ZGRF1: variants seen among roughly 807,000 people sequenced by gnomAD.
The protein encoded by ZGRF1 is 5'-3' DNA helicase ZGRF1.
A neutral mutation model predicts 203.5 loss-of-function variants in ZGRF1; 196 were observed. The ratio of observed to expected loss-of-function variants is 0.96; its 90% confidence interval spans 0.86 to 1.08. ZGRF1 has a LOEUF of 1.08. Ranked by LOEUF, ZGRF1 falls within the 50% of genes least tolerant of loss-of-function variation. The probability of loss-of-function intolerance (pLI) is 0.00; values close to 1 mark genes in which losing one functional copy is unlikely to be tolerated. For missense variants in ZGRF1, 2,326 were observed against 2,416.3 expected, an observed-to-expected ratio of 0.96 and a Z score of 0.78; for synonymous variants, 809 against 841.3, an observed-to-expected ratio of 0.96 and a Z score of 0.66.
At chr4:112,631,279 G>A (rs918294915) in intron 3 of ZGRF1, among the ~76,000 whole-genome samples, 9 of 152,080 alleles carry the variant, frequency 5.9e-5, no homozygotes, top group Admixed American at 1.3e-4. Flanking sequence ...TGGGATTACA[G>A]GTATGAGCCA....
At chr4:112,551,497 T>C (rs1304186005) in intron 22 of ZGRF1, among the ~76,000 whole-genome samples, 1 of 152,176 alleles carries the variant, frequency 6.6e-6, no homozygotes, top group Non-Finnish European at 1.5e-5. Flanking sequence ...CCACAGATCC[T>C]ACAAAATAAG....
rs1485012317 is a variant in ZGRF1, at chr4:112,630,702, AAC to A, written c.102+1226_102+1227del. On this transcript the variant is annotated intron_variant, in intron 3 of 27. Transcript: ENST00000505019. ...AGGTCAGGAGTTCAAGACCAGCCTG[AAC>A]AACATGGCGAAACCGTCTCTACTAA... is the stretch of plus-strand genomic sequence containing the variant. 3.9e-5 allele frequency among the ~76,000 whole-genome samples: 6 copies of A among 152,118 alleles called. No homozygotes were observed. The East Asian group carries it at 1.2e-3, about 29-fold the overall frequency.
At chr4:112,597,343 A>T (rs904208302) in intron 10 of ZGRF1, among the ~76,000 whole-genome samples, 1 of 149,750 alleles carries the variant, frequency 6.7e-6, no homozygotes, top group African/African-American at 2.5e-5. Context: ...AAAACATAGG[A>T]AGACCCCATC....
intron 4 of ZGRF1, among the ~76,000 whole-genome samples, chr4:112,622,522 A>G (rs1578478311): frequency 5.6e-5 from 5 of 89,966 alleles, no homozygotes; most frequent in South Asian, 5.7e-4. Context: ...TCCATCTCGA[A>G]AAAAAAAAAA....
intron 12 of ZGRF1, 61 bp from the exon 13 acceptor site, chr4:112,586,644 TAA>T: frequency 8.2e-7 from 1 of 1,226,520 alleles, no homozygotes; most frequent in Non-Finnish European, 1.1e-6. Context: ...TACTAAAGAG[TAA>T]ATTATTTTTC....
At position 112,548,576 on chromosome 4, in the gene ZGRF1, GT is replaced by G. The variant is rs1739288427; in HGVS notation, c.5347-197del. ...ACAAAATGGAAATCAACAAATGTAA[GT>G]TACTTAAGCCACAAGCCCATTAACA... On this transcript the variant is annotated intron_variant, in intron 22 of 27. Transcript: ENST00000505019. Among the ~76,000 whole-genome samples, 3 of 151,386 alleles carry G rather than the reference GT, an allele frequency of 2.0e-5. No individual in the cohort carries two copies. The South Asian group carries it at 6.3e-4, about 32-fold the overall frequency.
intron 6 of ZGRF1, 152 bp downstream of exon 6, chr4:112,617,288 A>G: frequency 4.1e-6 from 2 of 491,842 alleles, no homozygotes; most frequent in Non-Finnish European, 6.9e-6. Context: ...CATTGCTACT[A>G]TTCTCTATTA....
At chr4:112,614,373 T>C (rs1221387935) in intron 6 of ZGRF1, among the ~76,000 whole-genome samples, 1 of 152,242 alleles carries the variant, frequency 6.6e-6, no homozygotes, top group Non-Finnish European at 1.5e-5. Context: ...TTTGCAGACA[T>C]ACATAGAACA....
chr4:112,596,549 A>T (rs1437386748), intron 10 of ZGRF1, among the ~76,000 whole-genome samples: 1 of 152,072 alleles, frequency 6.6e-6, no homozygotes, highest in Non-Finnish European at 1.5e-5. Flanking sequence ...GTATTAATGA[A>T]ACCTGAAGGA....
In ZGRF1 at chr4:112,541,131, T is replaced by C. The variant is rs547336834; in HGVS notation, c.5736A>G (p.Leu1912=). 1.9e-6 allele frequency: 3 copies of C among 1,606,230 alleles called. No individual in the cohort carries two copies. Among genetic ancestry groups the C allele is most frequent in the Non-Finnish European group, 2.6e-6 (3 of 1,175,890 alleles). ...TAACATTATAAAAACACAGGGTTGGTAGCCATTCCAATAAAGGGCTCCGCT... is the reference window on the plus strand; with the variant it reads ...TAACATTATAAAAACACAGGGTTGGCAGCCATTCCAATAAAGGGCTCCGCT... ...EIERSPLLEW[L]PTLCFYNVKG... Residue 1912 remains leucine, a synonymous_variant, in exon 25 of 28, where the codon CTA becomes CTG. Transcript: ENST00000505019.
chr4:112,556,458 T>C (rs758184090), intron 20 of ZGRF1, among the ~76,000 whole-genome samples: 72 of 152,224 alleles, frequency 4.7e-4, no homozygotes, highest in Non-Finnish European at 9.3e-4. Flanking sequence ...TGGTATGATC[T>C]TGGCACAATG....
chr4:112,586,827 T>G (rs1310734497), intron 12 of ZGRF1, among the ~76,000 whole-genome samples: 5 of 152,202 alleles, frequency 3.3e-5, no homozygotes, highest in Non-Finnish European at 5.9e-5. Flanking sequence ...TTTTATATAT[T>G]TTTTGCTAGG....
At chr4:112,625,021 T>C (rs2047185634) in intron 3 of ZGRF1, among the ~76,000 whole-genome samples, 1 of 152,146 alleles carries the variant, frequency 6.6e-6, no homozygotes, top group Non-Finnish European at 1.5e-5. Context: ...GCTCATGGTG[T>C]TAAACCCAGA....
chr4:112,587,308 C>A lies in ZGRF1; in HGVS notation c.3749G>T (p.Cys1250Phe). ...EIKNVLGGST[C>F]YNYSVKDLQE... ...TAAATCCTTTACACTGTAGTTGTAGCAGGTAGACCCTCCTAATACATTTTT... is the reference window on the plus strand; with the variant it reads ...TAAATCCTTTACACTGTAGTTGTAGAAGGTAGACCCTCCTAATACATTTTT... Residue 1250 changes from cysteine (C) to phenylalanine (F), a missense_variant, in exon 12 of 28, where the codon TGC becomes TTC. Cys to Phe is a radical substitution (Grantham distance 205). Transcript: ENST00000505019. 1 of 1,611,554 alleles carries A rather than the reference C, an allele frequency of 6.2e-7. No homozygotes were observed.
At chr4:112,552,743 T>A (rs1314466290) in intron 22 of ZGRF1, among the ~76,000 whole-genome samples, 1 of 152,198 alleles carries the variant, frequency 6.6e-6, no homozygotes, top group Non-Finnish European at 1.5e-5. Context: ...TATTATTACA[T>A]ATCCACACCC....
chr4:112,603,656 A>G lies in ZGRF1; in HGVS notation c.2844T>C (p.Thr948=), dbSNP rs1214009889. Reference sequence around the variant, plus strand: ...TGTGTCCTCTGACCATTACACCACTAGTAGCTGATCCTTTTACTTGATGTC... The same window carrying G: ...TGTGTCCTCTGACCATTACACCACTGGTAGCTGATCCTTTTACTTGATGTC... ...FQGHQVKGSA[T]SGVMVRGHSS... The change falls in exon 10 of 28, where the codon ACT becomes ACC. Residue 948 remains threonine, a synonymous_variant. Transcript: ENST00000505019. 1.2e-6 allele frequency: 2 copies of G among 1,614,042 alleles called. No homozygotes were observed. The highest frequency in any genetic ancestry group is 4.5e-5 in the East Asian group (2 of 44,862).
At position 112,563,157 on chromosome 4, in the gene ZGRF1, T is replaced by G; in HGVS notation, c.4556A>C (p.Tyr1519Ser). The G allele has an allele frequency of 6.5e-7, 1 of 1,549,552 alleles. No individual in the cohort carries two copies. Residue 1519 changes from tyrosine (Y) to serine (S), a missense_variant, in exon 17 of 28, where the codon TAT becomes TCT. Transcript: ENST00000505019. The stretch of plus-strand genomic sequence containing the variant: ...GTTAGTGGGCCAATTAGAAGGGAAA[T>G]AGCCTTTCAAAGGCAGTATTTCTAT... ...NEIEILPLKG[Y>S]FPSNWPTNMV...
At position 112,598,102 on chromosome 4, in the gene ZGRF1, A is replaced by G. The variant is rs529072458; in HGVS notation, c.2976+5422T>C. 2.0e-5 allele frequency among the ~76,000 whole-genome samples: 3 copies of G among 152,242 alleles called. No homozygotes were observed. The East Asian group carries it at 5.8e-4, about 29-fold the overall frequency. On this transcript the variant is annotated intron_variant, in intron 10 of 27. Transcript: ENST00000505019. ...AACAAGAAAGGAGACATGGTGTTCAAGATGTAAGCAACTCATGCTAGGAAG... is the reference window on the plus strand; with the variant it reads ...AACAAGAAAGGAGACATGGTGTTCAGGATGTAAGCAACTCATGCTAGGAAG...
At position 112,619,213 on chromosome 4, in the gene ZGRF1, GCT is replaced by G; in HGVS notation, c.827_828del (p.Glu276AlafsTer16). 1 of 1,613,176 alleles carries G rather than the reference GCT, an allele frequency of 6.2e-7. No individual in the cohort carries two copies. Among genetic ancestry groups the G allele is most frequent in the Non-Finnish European group, 8.5e-7 (1 of 1,179,950 alleles). On this transcript the variant is annotated frameshift_variant, in exon 6 of 28. Coordinates refer to ENST00000505019, the MANE Select transcript of ZGRF1 (RefSeq NM_018392.5). LOFTEE classifies it high-confidence loss of function. ...CCTTGTGGTTGTTTTTGAGGAAAAT[GCT>G]CTGTCATCTCAGAATTTAGTTCCTC... ...SCEELNSEMT[E>X]HFPQKQPQGS...
Sources: allele counts gnomAD v4.1 joint callset (sites outside exome capture counted in the v4.1 genomes callset), GRCh38; gene constraint gnomAD v4.1.1; transcripts MANE v1.5; gene names NCBI Gene and HGNC (gene_info 2026-07-23, HGNC 2026-07-21).